Variants in DHX37 observed in about 807,000 individuals in gnomAD.
DHX37 encodes DEAH-box helicase 37, also known as probable ATP-dependent RNA helicase DHX37.
Under a neutral mutation model 134.3 loss-of-function variants are expected in DHX37, and 52 were observed. The ratio of observed to expected loss-of-function variants is 0.39; its 90% CI spans 0.31 to 0.49. The LOEUF is 0.49. Among genes scored for constraint, DHX37 ranks in the 20% least tolerant of loss-of-function variants. DHX37 has a pLI of 0.93. For missense variants in DHX37, 1,344 were observed against 1,580.8 expected, an observed-to-expected ratio of 0.85 and a Z score of 2.54; for synonymous variants, 634 against 670.7, an observed-to-expected ratio of 0.95 and a Z score of 0.85.
intron 8 of DHX37, among the ~76,000 whole-genome samples, chr12:124,970,316 G>A (rs1048138003): frequency 6.6e-6 from 1 of 152,206 alleles, no homozygotes; most frequent in African/African-American, 2.4e-5. Flanking sequence ...ATATAAAACT[G>A]TGGTGATGGC....
rs1954916222 is a variant in DHX37, at chr12:124,988,467, T to C, written c.106+450A>G. Among the ~76,000 whole-genome samples, 2 of 152,092 alleles carry C rather than the reference T, an allele frequency of 1.3e-5. 1 individual carries two copies. The highest frequency in any genetic ancestry group is 4.1e-4 in the South Asian group (2 of 4,824). On this transcript the variant is annotated intron_variant, in intron 1 of 26. Transcript: ENST00000308736. ...GGTAAACTCAGGGATTTTCTAAAAA[T>C]CTCCCTTTCTGCTATGTCTCCAGTG...
chr12:124,952,695 T>C (rs1953999501), intron 20 of DHX37, 125 bp from the exon 21 acceptor site: 2 of 985,492 alleles, frequency 2.0e-6, no homozygotes, highest in South Asian at 3.7e-5. Flanking sequence ...TCTCAACCCC[T>C]CCCCAGAGGC....
chr12:124,950,286 GC>G (rs1953950674), intron 23 of DHX37, 43 bp from the exon 24 acceptor site: 1 of 1,609,986 alleles, frequency 6.2e-7, no homozygotes, highest in South Asian at 1.1e-5. Context: ...TCCTGCAGCT[GC>G]CCTCCCGAGT....
intron 7 of DHX37, among the ~76,000 whole-genome samples, chr12:124,972,087 G>A (rs2135955542): frequency 6.6e-6 from 1 of 152,280 alleles, no homozygotes; most frequent in East Asian, 1.9e-4. Context: ...CTCACCAAAC[G>A]CAACTGGACT....
At chr12:124,965,517 G>T in intron 13 of DHX37, 151 bp downstream of exon 13, 1 of 1,293,612 alleles carries the variant, frequency 7.7e-7, no homozygotes, top group South Asian at 1.9e-5. Context: ...AAATGTTTGA[G>T]GCCTCCTCGT....
intron 10 of DHX37, 84 bp downstream of exon 10, chr12:124,968,450 C>A (rs1430212393): frequency 5.1e-6 from 8 of 1,571,434 alleles, no homozygotes; most frequent in Admixed American, 1.7e-5. Flanking sequence ...CTGAGCCACT[C>A]GGAGATGGGC....
In DHX37 at chr12:124,976,774, G is replaced by A. The variant is rs545482531; in HGVS notation, c.887+568C>T. Among the ~76,000 whole-genome samples, 285 of 149,162 alleles carry A rather than the reference G, an allele frequency of 1.9e-3. 2 individuals are homozygous for A. The highest frequency in any genetic ancestry group is 6.7e-3 in the African/African-American group (274 of 40,734). On this transcript the variant is annotated intron_variant, in intron 5 of 26. Transcript: ENST00000308736. ...GAACCCGGGAGGCGCAGCTTGCAGT[G>A]AGCCGAGATCGCGCCACTACACTCC...
In DHX37 at chr12:124,982,782, C is replaced by T. The variant is rs1244795583; in HGVS notation, c.277-159G>A. The T allele has an allele frequency of 3.2e-5, 21 of 659,560 alleles. No homozygotes were observed. In the Admixed American group the frequency reaches 1.2e-3, roughly 38 times the overall value. The allele number at this position is 659,560 out of a possible 1,614,324, so 40.9% of individuals were successfully genotyped here. ...CTGGTGCATGGTGTTCTTCCATCAA[C>T]AGACACAGCAAGCTGGCTTTTTTAA... On this transcript the variant is annotated intron_variant, in intron 2 of 26. Coordinates refer to ENST00000308736, the MANE Select transcript of DHX37 (RefSeq NM_032656.4).
chr12:124,988,743 C>T (rs1464841869), intron 1 of DHX37, among the ~76,000 whole-genome samples, 174 bp downstream of exon 1: 1 of 151,974 alleles, frequency 6.6e-6, no homozygotes, highest in Admixed American at 6.6e-5. Context: ...ACTGTTAAAA[C>T]TAGGCTGTCA....
chr12:124,976,183 G>A (rs143599716), intron 5 of DHX37, among the ~76,000 whole-genome samples: 56 of 152,376 alleles, frequency 3.7e-4, no homozygotes, highest in African/African-American at 1.2e-3. Context: ...AATCCAGTGC[G>A]TCCTGTGTGA....
At chr12:124,983,539 C>G (rs1380102520) in intron 2 of DHX37, among the ~76,000 whole-genome samples, 1 of 151,908 alleles carries the variant, frequency 6.6e-6, no homozygotes, top group African/African-American at 2.4e-5. Flanking sequence ...AATCTCAGCA[C>G]TTTAGGAGGC....
Position 124,954,124 on chromosome 12 carries a change from C to T in DHX37, c.2541G>A (p.Gly847=). The T allele has an allele frequency of 6.2e-7, 1 of 1,612,310 alleles. No homozygotes were observed. ...TGAGGTCGCCGAGCTTCAGAGAAGC[C>T]CCCTGCCCTGCCCAGGTCCTCTTCA... ...AQMKRTWAGQ[G]ASLKLGDLMV... The change falls in exon 19 of 27, where the codon GGG becomes GGA. Residue 847 remains glycine, a synonymous_variant. Coordinates refer to ENST00000308736, the MANE Select transcript of DHX37 (RefSeq NM_032656.4).
Position 124,989,109 on chromosome 12 carries a change from T to A in DHX37, c.-87A>T, listed in dbSNP as rs1383968335. 2 of 859,916 alleles carry A rather than the reference T, an allele frequency of 2.3e-6. No individual in the cohort carries two copies. Among genetic ancestry groups the A allele is most frequent in the African/African-American group, 3.5e-5 (2 of 56,798 alleles). The allele number at this position is 859,916 out of a possible 1,614,324, so 53.3% of individuals were successfully genotyped here. On this transcript the variant is annotated 5_prime_UTR_variant, in exon 1 of 27. Coordinates refer to ENST00000308736, the MANE Select transcript of DHX37 (RefSeq NM_032656.4). Reference sequence around the variant, plus strand: ...CCACGTGGGTTCCCAGACCACCAACTCCGGCCGTGAGACTTCCGGGTTGTG... The same window carrying A: ...CCACGTGGGTTCCCAGACCACCAACACCGGCCGTGAGACTTCCGGGTTGTG...
At chr12:124,963,920 G>C (rs1444567909) in intron 15 of DHX37, among the ~76,000 whole-genome samples, 1 of 148,208 alleles carries the variant, frequency 6.7e-6, no homozygotes, top group African/African-American at 2.5e-5. Context: ...AGTGCGAGTA[G>C]GCCAGGCATG....
Position 124,975,454 on chromosome 12 carries a change from G to A in DHX37, c.945C>T (p.Ser315=), listed in dbSNP as rs375334012. The change falls in exon 6 of 27, where the codon TCC becomes TCT. Residue 315 remains serine, a synonymous_variant. Transcript: ENST00000308736. ...GATTCATCTCCTTGGCCACTCGCTG[G>A]GACATGGCCACGGCGGCCACTCGGC... is the stretch of plus-strand genomic sequence containing the variant. The part of the protein sequence containing the change: ...EPRRVAAVAM[S]QRVAKEMNLS... 7 of 1,612,878 alleles carry A rather than the reference G, an allele frequency of 4.3e-6. No homozygotes were observed. The highest frequency in any genetic ancestry group is 5.1e-6 in the Non-Finnish European group (6 of 1,180,020).
At chr12:124,960,849 G>A (rs1403880411) in intron 15 of DHX37, among the ~76,000 whole-genome samples, 1 of 152,224 alleles carries the variant, frequency 6.6e-6, no homozygotes, top group African/African-American at 2.4e-5. Flanking sequence ...CAGCTACTCG[G>A]GAGGCTGAGG....
At chr12:124,955,227 C>T (rs748047761) in intron 18 of DHX37, among the ~76,000 whole-genome samples, 1 of 152,232 alleles carries the variant, frequency 6.6e-6, no homozygotes, top group Non-Finnish European at 1.5e-5. Flanking sequence ...CATAAAGCTA[C>T]TGCCCTCCCC....
rs780795849 is a variant in DHX37, at chr12:124,953,899, C to G, written c.2676G>C (p.Arg892=). Residue 892 remains arginine, a synonymous_variant, in exon 20 of 27, where the codon CGG becomes CGC. Coordinates refer to ENST00000308736, the MANE Select transcript of DHX37 (RefSeq NM_032656.4). ...CCGTACCTGCGGTGGTCAGCTGGCC[C>G]CGCAGGCGCCGGATCTCCATCATGG... ...YKAMMEIRRL[R]GQLTTAVNAV... 2 of 1,611,560 alleles carry G rather than the reference C, an allele frequency of 1.2e-6. No homozygotes were observed. The highest frequency in any genetic ancestry group is 1.7e-6 in the Non-Finnish European group (2 of 1,179,314).
At position 124,980,517 on chromosome 12, in the gene DHX37, G is replaced by A. The variant is rs771678506; in HGVS notation, c.711C>T (p.Ile237=). ...GCATTTCCGGGGAGCGGTTCACGGG[G>A]ATGAAGACGGCGGGCTTAGCCAGGG... is the stretch of plus-strand genomic sequence containing the variant. ...PRALAKPAVF[I]PVNRSPEMQE... is the part of the protein sequence containing the mutation. The change falls in exon 4 of 27, where the codon ATC becomes ATT. Residue 237 remains isoleucine (I), a synonymous_variant. Transcript: ENST00000308736. This position sits in a 1 kb window ranked among gnomAD's most constrained non-coding sequence, Gnocchi z 5.3. 6.2e-7 allele frequency: 1 copy of A among 1,611,578 alleles called. No individual in the cohort carries two copies. The highest frequency in any genetic ancestry group is 8.5e-7 in the Non-Finnish European group (1 of 1,179,524).
Sources: allele counts gnomAD v4.1 joint callset (sites outside exome capture counted in the v4.1 genomes callset), GRCh38; gene constraint gnomAD v4.1.1; non-coding constraint Gnocchi (gnomAD v3.1); transcripts MANE v1.5; gene names NCBI Gene and HGNC (gene_info 2026-07-23, HGNC 2026-07-21).